SLIT3: variants seen among roughly 807,000 people sequenced by gnomAD.
SLIT3 encodes the protein slit homolog 3 protein.
Under a neutral mutation model 184.0 loss-of-function variants are expected in SLIT3, and 68 were observed. That is an observed-to-expected ratio of 0.37 (90% confidence interval 0.30 to 0.45). The LOEUF is 0.45. SLIT3 is among the 20% of genes least tolerant of loss of function. The pLI, the probability that SLIT3 is intolerant of heterozygous loss-of-function variation, is 1.00. For synonymous variants in SLIT3, 831 were observed against 828.6 expected, an observed-to-expected ratio of 1.00 and a Z score of -0.05; for missense variants, 1,707 against 2,026.0, an observed-to-expected ratio of 0.84 and a Z score of 3.02.
At chr5:168,806,392 G>A in intron 9 of SLIT3, 54 bp downstream of exon 9, 1 of 1,602,528 alleles carries the variant, frequency 6.2e-7, no homozygotes, top group South Asian at 1.1e-5. Flanking sequence ...GGCTGGGACA[G>A]GGAGCTGAAT....
rs754738079 is a variant in SLIT3 at position 168,708,048 on chromosome 5, C to T, written c.2772G>A (p.Pro924=). ...VAKCNACLSS[P]CKNNGTCTQD... ...GGGTGCATGTCCCGTTATTCTTGCA[C>T]GGGCTGGAGAGGCAGGCATTGCATT... The change falls in exon 26 of 36, where the codon CCG becomes CCA. Residue 924 remains proline (P), a synonymous_variant. Coordinates refer to ENST00000519560, the MANE Select transcript of SLIT3 (RefSeq NM_003062.4). The T allele has an allele frequency of 3.2e-5, 52 of 1,614,174 alleles. No homozygotes were observed. The highest frequency in any genetic ancestry group is 1.6e-4 in the Middle Eastern group (1 of 6,062).
At chr5:168,673,102 G>T in intron 33 of SLIT3, 75 bp downstream of exon 33, 2 of 1,449,642 alleles carry the variant, frequency 1.4e-6, no homozygotes, top group South Asian at 1.2e-5. Context: ...ATTGGCTTTG[G>T]CAGTGGCCTG....
chr5:168,856,901 C>T (rs1207525047), intron 5 of SLIT3, among the ~76,000 whole-genome samples: 1 of 151,364 alleles, frequency 6.6e-6, no homozygotes, highest in African/African-American at 2.4e-5. Flanking sequence ...GAGGGAAGTG[C>T]CTTTGACCAG....
At chr5:168,948,422 C>T (rs1297501409) in intron 4 of SLIT3, among the ~76,000 whole-genome samples, 1 of 152,068 alleles carries the variant, frequency 6.6e-6, no homozygotes, top group Non-Finnish European at 1.5e-5. Context: ...AGAGCCGGAG[C>T]CTGAGGGGGC....
intron 30 of SLIT3, among the ~76,000 whole-genome samples, 160 bp from the exon 31 acceptor site, chr5:168,686,087 G>A (rs781567455): frequency 6.6e-6 from 1 of 152,222 alleles, no homozygotes; most frequent in African/African-American, 2.4e-5. Context: ...ACCGGGGCAA[G>A]ACCTTTTCCT....
intron 3 of SLIT3, among the ~76,000 whole-genome samples, chr5:169,209,017 C>T (rs2113505941): frequency 6.6e-6 from 1 of 152,284 alleles, no homozygotes; most frequent in Middle Eastern, 3.4e-3. Context: ...AGTGAACAGG[C>T]AACTTACAGA....
chr5:168,671,580 A>G (rs1761246715), intron 33 of SLIT3, 97 bp from the exon 34 acceptor site: 2 of 1,351,102 alleles, frequency 1.5e-6, no homozygotes, highest in Non-Finnish European at 2.0e-6. Context: ...TCATGGCCAG[A>G]ACTCTGGGCC....
At chr5:168,788,349 C>T (rs1581083377) in intron 11 of SLIT3, among the ~76,000 whole-genome samples, 2 of 152,180 alleles carry the variant, frequency 1.3e-5, no homozygotes, top group South Asian at 2.1e-4. Flanking sequence ...CTGAGACTTC[C>T]CAGTCCTCAT....
chr5:168,974,200 C>A (rs1314456216), intron 4 of SLIT3, among the ~76,000 whole-genome samples: 1 of 152,182 alleles, frequency 6.6e-6, no homozygotes, highest in Non-Finnish European at 1.5e-5. Flanking sequence ...CGTTGTTGGA[C>A]CACCCAGTAA....
chr5:169,275,865 T>C (rs1766784181), intron 1 of SLIT3, among the ~76,000 whole-genome samples: 1 of 152,146 alleles, frequency 6.6e-6, no homozygotes, highest in Admixed American at 6.5e-5. Flanking sequence ...GAACTGAGCC[T>C]GGAAGAGGGA....
In SLIT3 at chr5:168,994,623, CTTTTTTTTTTTTTTTTTTTTTTTT is replaced by C. The variant is rs66498923; in HGVS notation, c.414-111311_414-111288del. ...ACATGTACCAGTGTCTGGCATTCTA[CTTTTTTTTTTTTTTTTTTTTTTTT>C]TTTTTTTTTTTTTTTTGAGACTGAG... On this transcript the variant is annotated intron_variant, in intron 4 of 35. Coordinates refer to ENST00000519560, the MANE Select transcript of SLIT3 (RefSeq NM_003062.4). 2.1e-4 allele frequency among the ~76,000 whole-genome samples: 10 copies of C among 47,100 alleles called. 1 individual carries two copies. The highest frequency in any genetic ancestry group is 3.9e-4 in the African/African-American group (4 of 10,222). 30.9% of individuals were successfully genotyped at this position (47,100 alleles called of 152,430 possible).
chr5:168,688,287 G>C (rs1262164498), intron 29 of SLIT3, among the ~76,000 whole-genome samples: 1 of 152,220 alleles, frequency 6.6e-6, no homozygotes, highest in Non-Finnish European at 1.5e-5. Flanking sequence ...GTCAGAGGAG[G>C]AGGCGGCATG....
intron 5 of SLIT3, among the ~76,000 whole-genome samples, chr5:168,845,508 CATCCTGTG>C (rs75610773): frequency 0.18 from 27,706 of 151,938 alleles, 2,516 homozygotes; most frequent in East Asian, 0.25. Context: ...TTTCCCTTTC[CATCCTGTG>C]ATCCTGTGAG....
chr5:168,916,887 T>C (rs1218436163), intron 4 of SLIT3, among the ~76,000 whole-genome samples: 1 of 152,152 alleles, frequency 6.6e-6, no homozygotes, highest in Non-Finnish European at 1.5e-5. Context: ...GACTCGGGGC[T>C]GGCTAGATTG....
At chr5:169,073,265 G>A (rs1410145906) in intron 4 of SLIT3, among the ~76,000 whole-genome samples, 1 of 152,116 alleles carries the variant, frequency 6.6e-6, no homozygotes, top group East Asian at 1.9e-4. Context: ...AGAGTAAGAG[G>A]ACAATCCTTA....
At chr5:169,228,655 C>T (rs1312163764) in intron 3 of SLIT3, among the ~76,000 whole-genome samples, 1 of 152,180 alleles carries the variant, frequency 6.6e-6, no homozygotes, top group Non-Finnish European at 1.5e-5. Context: ...CGAAATAGAA[C>T]ATTCAGAATA....
intron 4 of SLIT3, among the ~76,000 whole-genome samples, chr5:169,136,634 C>G (rs149179924): frequency 6.6e-6 from 1 of 152,314 alleles, no homozygotes; most frequent in East Asian, 1.9e-4. Context: ...TTGGTGACCT[C>G]TGGCCCCATC....
chr5:169,044,587 T>A (rs914811641), intron 4 of SLIT3, among the ~76,000 whole-genome samples: 2 of 70,642 alleles, frequency 2.8e-5, no homozygotes, highest in Admixed American at 1.5e-4. Flanking sequence ...TGGAGGAAGG[T>A]GGGGGGGGGG....
intron 5 of SLIT3, among the ~76,000 whole-genome samples, chr5:168,865,853 C>T (rs946451900): frequency 5.3e-5 from 8 of 152,096 alleles, no homozygotes; most frequent in African/African-American, 1.9e-4. Context: ...ATGTACCTTC[C>T]ATTTTATTTA....
Sources: allele counts gnomAD v4.1 joint callset (sites outside exome capture counted in the v4.1 genomes callset), GRCh38; gene constraint gnomAD v4.1.1; transcripts MANE v1.5; gene names NCBI Gene and HGNC (gene_info 2026-07-23, HGNC 2026-07-21).